Variants in RANBP3 observed in about 807,000 individuals in gnomAD.
The protein encoded by RANBP3 is RAN binding protein 3, also known as ran-binding protein 3.
RANBP3 carries 14 observed loss-of-function variants against 77.3 expected under a neutral mutation model. The observed-to-expected ratio is 0.18, with a 90% CI of 0.12 to 0.28. The LOEUF is 0.28. Among genes scored for constraint, RANBP3 ranks in the 10% least tolerant of loss-of-function variants. RANBP3 has a pLI of 1.00. For synonymous variants in RANBP3, 315 were observed against 312.4 expected (o/e 1.01, Z -0.09); for missense variants, 586 against 752.3 (o/e 0.78, Z 2.59).
Position 5,921,441 on chromosome 19 carries a change from G to T in RANBP3, c.1210-120C>A. 7.4e-7 allele frequency: 1 copy of T among 1,351,406 alleles called. No individual in the cohort carries two copies. Among genetic ancestry groups the T allele is most frequent in the Non-Finnish European group, 1.0e-6 (1 of 991,352 alleles). 83.7% of individuals were successfully genotyped at this position (1,351,406 alleles called of 1,614,324 possible). A position where few individuals can be genotyped will look rare whatever the true frequency, so the allele number is the denominator to read the frequency against. ...AGGGCCAGCCAACGACGGCCTGGGG[G>T]CCACCTTGGTCAGTTTTTTGTCCTG... On this transcript the variant is annotated intron_variant, in intron 13 of 16. Coordinates refer to ENST00000340578, the MANE Select transcript of RANBP3 (RefSeq NM_007322.3). This position sits in a 1 kb window ranked among gnomAD's most constrained non-coding sequence, Gnocchi z 5.3.
At chr19:5,956,287 C>T (rs904293453) in intron 2 of RANBP3, among the ~76,000 whole-genome samples, 2 of 152,158 alleles carry the variant, frequency 1.3e-5, no homozygotes, top group African/African-American at 4.8e-5. Context: ...ATGACTATAA[C>T]ATCTCCAACA....
chr19:5,968,349 G>C (rs1201947180), intron 1 of RANBP3, among the ~76,000 whole-genome samples: 1 of 152,184 alleles, frequency 6.6e-6, no homozygotes, highest in African/African-American at 2.4e-5. Context: ...TCCCAGATAA[G>C]ACAATGTACC....
At chr19:5,923,077 C>T (rs970288533) in intron 13 of RANBP3, 117 bp downstream of exon 13, 13 of 792,982 alleles carry the variant, frequency 1.6e-5, no homozygotes, top group African/African-American at 3.4e-5. Flanking sequence ...GGCCAGTGGC[C>T]CCTCCGTCAT....
chr19:5,923,632 G>A (rs977045618), intron 12 of RANBP3, among the ~76,000 whole-genome samples, 180 bp downstream of exon 12: 1 of 152,154 alleles, frequency 6.6e-6, no homozygotes, highest in South Asian at 2.1e-4. Flanking sequence ...ACAGGCCCTC[G>A]AGTTCTTTAT....
intron 8 of RANBP3, 166 bp from the exon 9 acceptor site, chr19:5,928,253 G>A (rs2057939803): frequency 1.3e-6 from 1 of 766,806 alleles, no homozygotes; most frequent in Non-Finnish European, 2.0e-6. Context: ...GCTTGAGCCT[G>A]GGAGTTGTAG....
chr19:5,945,976 C>T (rs59272043), intron 3 of RANBP3, among the ~76,000 whole-genome samples: 3,104 of 152,050 alleles, frequency 0.02, 114 homozygotes, highest in African/African-American at 0.07. Flanking sequence ...CCTCCTGCCT[C>T]GGTGGCCTCC....
At chr19:5,922,705 C>G (rs556012152) in intron 13 of RANBP3, among the ~76,000 whole-genome samples, 2 of 152,258 alleles carry the variant, frequency 1.3e-5, no homozygotes, top group Admixed American at 6.5e-5. Context: ...TTTGGGAGGC[C>G]GAGGCGGGTG....
intron 3 of RANBP3, among the ~76,000 whole-genome samples, chr19:5,949,188 C>A (rs1338700643): frequency 6.6e-6 from 1 of 152,180 alleles, no homozygotes; most frequent in East Asian, 1.9e-4. Flanking sequence ...GTTTCCTGAA[C>A]ACCAGTGTGA....
intron 2 of RANBP3, among the ~76,000 whole-genome samples, chr19:5,955,015 A>G (rs2058319287): frequency 6.6e-6 from 1 of 152,268 alleles, no homozygotes; most frequent in South Asian, 2.1e-4. Context: ...TGCGAGTGAC[A>G]GAAGTGGGCA....
intron 7 of RANBP3, among the ~76,000 whole-genome samples, 159 bp from the exon 8 acceptor site, chr19:5,931,690 C>T (rs1226787520): frequency 2.0e-5 from 3 of 151,974 alleles, no homozygotes; most frequent in Non-Finnish European, 2.9e-5. Flanking sequence ...GGTATCTCTA[C>T]AAAGAGCCAA....
In RANBP3 at chr19:5,959,974, CAAG is replaced by C. The variant is rs1362234607; in HGVS notation, c.23-2004_23-2002del. On this transcript the variant is annotated intron_variant, in intron 1 of 16. Transcript: ENST00000340578. The surrounding 1 kb of genome is among the most constrained non-coding windows in gnomAD (Gnocchi z 5.1). ...AGCTCAGCCCCAGCTCCAGGCCTGACAAGAAGAGTCCCGCATGCATCGTCTAAC... is the reference window on the plus strand; with the variant it reads ...AGCTCAGCCCCAGCTCCAGGCCTGACAAGAGTCCCGCATGCATCGTCTAAC... Among the ~76,000 whole-genome samples the C allele has an allele frequency of 9.2e-5, 14 of 152,296 alleles. No individual in the cohort carries two copies. The South Asian group carries it at 2.9e-3, about 32-fold the overall frequency.
At chr19:5,919,652 A>T (rs1167964193) in intron 14 of RANBP3, among the ~76,000 whole-genome samples, 1 of 152,152 alleles carries the variant, frequency 6.6e-6, no homozygotes, top group African/African-American at 2.4e-5. Flanking sequence ...TAATTCCAGG[A>T]CTTTGGGAGG....
intron 9 of RANBP3, among the ~76,000 whole-genome samples, chr19:5,926,246 G>A (rs2057908006): frequency 6.6e-6 from 1 of 152,098 alleles, no homozygotes; most frequent in Non-Finnish European, 1.5e-5. Context: ...GGCTCAGAGG[G>A]TTAAGAAACC....
chr19:5,946,420 C>T (rs975157127), intron 3 of RANBP3, among the ~76,000 whole-genome samples: 3 of 152,150 alleles, frequency 2.0e-5, no homozygotes, highest in South Asian at 4.1e-4. Flanking sequence ...CCCTCAAATC[C>T]GTGCCCCAAA....
intron 3 of RANBP3, among the ~76,000 whole-genome samples, chr19:5,949,243 C>G (rs1233231091): frequency 1.3e-5 from 2 of 152,250 alleles, no homozygotes; most frequent in Admixed American, 6.5e-5. Flanking sequence ...CGAAAACGGT[C>G]TGAGTTCACA....
In RANBP3 at chr19:5,924,056, G is replaced by C; in HGVS notation, c.997-142C>G. On this transcript the variant is annotated intron_variant, in intron 11 of 16. Transcript: ENST00000340578. The surrounding 1 kb of genome is among the most constrained non-coding windows in gnomAD (Gnocchi z 4.7). Reference sequence around the variant, plus strand: ...CTCCCGGTGACACCCTGAACTGCCTGGGAGCTCCCCACGTGGTCCCTCAGG... The same window carrying C: ...CTCCCGGTGACACCCTGAACTGCCTCGGAGCTCCCCACGTGGTCCCTCAGG... 1 of 653,684 alleles carries C rather than the reference G, an allele frequency of 1.5e-6. No homozygotes were observed. The highest frequency in any genetic ancestry group is 2.7e-6 in the Non-Finnish European group (1 of 376,400). 40.5% of individuals were successfully genotyped at this position (653,684 alleles called of 1,614,324 possible).
At chr19:5,977,846 T>A (rs935626655) in intron 1 of RANBP3, among the ~76,000 whole-genome samples, 1 of 152,160 alleles carries the variant, frequency 6.6e-6, no homozygotes, top group African/African-American at 2.4e-5. Flanking sequence ...GCCAGACGGC[T>A]GCAGTGGCTG....
intron 13 of RANBP3, among the ~76,000 whole-genome samples, chr19:5,922,456 G>A (rs1245564437): frequency 1.3e-5 from 2 of 152,212 alleles, no homozygotes; most frequent in African/African-American, 2.4e-5. Flanking sequence ...TGCCCAAGCC[G>A]GGTGGTGCGG....
intron 2 of RANBP3, among the ~76,000 whole-genome samples, chr19:5,953,050 C>T (rs1250432561): frequency 1.3e-5 from 2 of 152,338 alleles, no homozygotes; most frequent in East Asian, 1.9e-4. Context: ...AATATTCAAA[C>T]ATCCTCATGG....
Sources: gnomAD v4.1 joint callset for allele counts (sites outside exome capture counted in the v4.1 genomes callset) on GRCh38, gnomAD v4.1.1 for gene constraint, Gnocchi (gnomAD v3.1) non-coding constraint, MANE v1.5 for transcripts, NCBI Gene and HGNC (gene_info 2026-07-23, HGNC 2026-07-21) for gene names.